The following CCDC88A variants were observed in gnomAD, a reference collection of about 807,000 sequenced individuals.
The protein encoded by CCDC88A is girdin.
CCDC88A carries 54 observed loss-of-function variants against 234.3 expected under a neutral mutation model. The ratio of observed to expected loss-of-function variants is 0.23; its 90% CI spans 0.19 to 0.29. The LOEUF (loss-of-function observed/expected upper bound fraction) is 0.29, where lower values mean the gene tolerates loss of function less well. Ranked by LOEUF, CCDC88A falls within the 10% of genes least tolerant of loss-of-function variation. The pLI, the probability that CCDC88A is intolerant of heterozygous loss-of-function variation, is 1.00. For missense variants in CCDC88A, 1,832 were observed against 2,123.4 expected, an observed-to-expected ratio of 0.86 and a Z score of 2.70; for synonymous variants, 753 against 737.8, an observed-to-expected ratio of 1.02 and a Z score of -0.33.
intron 18 of CCDC88A, chr2:55,320,786 G>A (rs1015793657): frequency 2.0e-5 from 3 of 152,118 alleles, no homozygotes; most frequent in African/African-American, 7.2e-5. Context: ...TGGAAAGATA[G>A]GTATACTCTC....
rs1274862659 is a variant in CCDC88A, at chr2:55,336,753, G to A, written c.1584C>T (p.Ser528=). 1.1e-5 allele frequency: 18 copies of A among 1,586,112 alleles called. No individual in the cohort carries two copies. The highest frequency in any genetic ancestry group is 1.5e-5 in the Non-Finnish European group (18 of 1,162,322). Residue 528 remains serine (S), a synonymous_variant, in exon 14 of 33, where the codon AGC becomes AGT. Coordinates refer to ENST00000436346, the MANE Select transcript of CCDC88A (RefSeq NM_001365480.1). ...KQSLQNCQNL[S]KDLMKEKAQL... Reference sequence around the variant, plus strand: ...GAGCTTTCTCCTTCATTAGATCCTTGCTTAAATTCTGACAATTCTGAAGAC... The same window carrying A: ...GAGCTTTCTCCTTCATTAGATCCTTACTTAAATTCTGACAATTCTGAAGAC...
chr2:55,406,448 G>C (rs1339973976), intron 2 of CCDC88A, among the ~76,000 whole-genome samples: 4 of 152,064 alleles, frequency 2.6e-5, no homozygotes, highest in African/African-American at 9.7e-5. Context: ...CTTTGTAATA[G>C]TTCAGGTCTT....
At chr2:55,384,020 A>G (rs1675048375) in intron 3 of CCDC88A, among the ~76,000 whole-genome samples, 2 of 152,244 alleles carry the variant, frequency 1.3e-5, no homozygotes, top group South Asian at 4.1e-4. Context: ...AGCATGGGCG[A>G]CAATACCAGA....
Position 55,388,846 on chromosome 2 carries a change from T to C in CCDC88A, c.205A>G (p.Asn69Asp), listed in dbSNP as rs769448604. ...LESQRVNKKVNNDASLRMHNL... is the reference protein window; with the variant it reads ...LESQRVNKKVDNDASLRMHNL... ...TGCATTCTAAGTGAGGCATCATTAT[T>C]GACTTTTTTATTTACTCTCTGACTC... The change falls in exon 3 of 33, where the codon AAT becomes GAT. Residue 69 changes from asparagine (N) to aspartate (D), a missense_variant. Coordinates refer to ENST00000436346, the MANE Select transcript of CCDC88A (RefSeq NM_001365480.1). The C allele has an allele frequency of 6.5e-7, 1 of 1,538,130 alleles. No homozygotes were observed. The highest frequency in any genetic ancestry group is 2.4e-5 in the East Asian group (1 of 42,350).
In CCDC88A at chr2:55,318,975, C is replaced by T. The variant is rs149298432; in HGVS notation, c.3192G>A (p.Ala1064=). Residue 1064 remains alanine (A), a synonymous_variant, in exon 19 of 33, where the codon GCG becomes GCA. Coordinates refer to ENST00000436346, the MANE Select transcript of CCDC88A (RefSeq NM_001365480.1). ...NNATLQAEKQ[A]LKTQLKQLET... Reference sequence around the variant, plus strand: ...CAAGTTGCTTCAGTTGAGTTTTCAACGCTTGCTTCTCTGCTTGCAGTGTAG... The same window carrying T: ...CAAGTTGCTTCAGTTGAGTTTTCAATGCTTGCTTCTCTGCTTGCAGTGTAG... 5.0e-5 allele frequency: 81 copies of T among 1,613,150 alleles called. No homozygotes were observed. The highest frequency in any genetic ancestry group is 6.7e-5 in the Admixed American group (4 of 60,006).
chr2:55,315,241 G>A (rs1682842224), intron 22 of CCDC88A: 1 of 152,220 alleles, frequency 6.6e-6, no homozygotes, highest in Non-Finnish European at 1.5e-5. Flanking sequence ...TTCTCCAGTA[G>A]AAAAGTTGCT....
At chr2:55,369,617 A>AT (rs1320175380) in intron 5 of CCDC88A, among the ~76,000 whole-genome samples, 1 of 151,846 alleles carries the variant, frequency 6.6e-6, no homozygotes, top group Non-Finnish European at 1.5e-5. Flanking sequence ...ATGCCCAGCT[A>AT]TTTTTTTGTA....
At chr2:55,294,549 C>T (rs904484433) in intron 31 of CCDC88A, 7 of 981,312 alleles carry the variant, frequency 7.1e-6, no homozygotes, top group African/African-American at 5.3e-5. Context: ...AAGAAAACAA[C>T]ATCTTTTTAC....
At chr2:55,308,581 T>C (rs1558641700) in intron 25 of CCDC88A, 4 of 451,494 alleles carry the variant, frequency 8.9e-6, no homozygotes, top group African/African-American at 2.0e-5. Flanking sequence ...TTTAACTTTC[T>C]TTCTGCAATA....
chr2:55,326,604 C>G (rs1362177813), intron 17 of CCDC88A, among the ~76,000 whole-genome samples: 1 of 152,108 alleles, frequency 6.6e-6, no homozygotes, highest in Admixed American at 6.5e-5. Context: ...ACTCTGTCAC[C>G]CAGACTGGAG....
intron 2 of CCDC88A, among the ~76,000 whole-genome samples, chr2:55,396,198 G>C (rs1242661818): frequency 6.6e-6 from 1 of 152,132 alleles, no homozygotes; most frequent in Non-Finnish European, 1.5e-5. Context: ...TCATTGTGGA[G>C]AAAAGTATAT....
chr2:55,368,613 TG>T (rs1672362972), intron 5 of CCDC88A, among the ~76,000 whole-genome samples: 1 of 152,000 alleles, frequency 6.6e-6, no homozygotes, highest in Non-Finnish European at 1.5e-5. Context: ...CATGACCCAC[TG>T]CACCCAGCCC....
In CCDC88A at chr2:55,407,771, G is replaced by A. The variant is rs960430590; in HGVS notation, c.164+11045C>T. 1.9e-4 allele frequency among the ~76,000 whole-genome samples: 25 copies of A among 130,580 alleles called. 1 individual carries two copies. The highest frequency in any genetic ancestry group is 7.5e-4 in the African/African-American group (25 of 33,304). 85.7% of individuals were successfully genotyped at this position (130,580 alleles called of 152,430 possible). A position where few individuals can be genotyped will look rare whatever the true frequency, so the allele number is the denominator to read the frequency against. ...CTTGCTCTGTCTTCCAGGCTGTAGT[G>A]CAGTGGCATGATCTCAGCTCACTGC... On this transcript the variant is annotated intron_variant, in intron 2 of 32. Coordinates refer to ENST00000436346, the MANE Select transcript of CCDC88A (RefSeq NM_001365480.1).
chr2:55,366,618 A>G (rs1411304949), intron 5 of CCDC88A, among the ~76,000 whole-genome samples: 1 of 151,948 alleles, frequency 6.6e-6, no homozygotes, highest in Non-Finnish European at 1.5e-5. Flanking sequence ...AAAAGCAAAA[A>G]AAGTGATTAG....
chr2:55,395,518 T>A (rs1677376405), intron 2 of CCDC88A, among the ~76,000 whole-genome samples: 1 of 152,236 alleles, frequency 6.6e-6, no homozygotes, highest in African/African-American at 2.4e-5. Flanking sequence ...AGGGACCATA[T>A]CTTCTTATTC....
At chr2:55,354,695 C>G (rs1670333020) in intron 8 of CCDC88A, among the ~76,000 whole-genome samples, 1 of 151,548 alleles carries the variant, frequency 6.6e-6, no homozygotes, top group Non-Finnish European at 1.5e-5. Context: ...TCCCGAGTAG[C>G]TGGGATTACA....
At chr2:55,390,125 G>GCTAATAAAAAC (rs1676407974) in intron 2 of CCDC88A, among the ~76,000 whole-genome samples, 1 of 148,144 alleles carries the variant, frequency 6.8e-6, no homozygotes, top group African/African-American at 2.5e-5. Flanking sequence ...CCCACTACAG[G>GCTAATAAAAAC]CTAACAAAAA....
chr2:55,332,945 C>T lies in CCDC88A; in HGVS notation c.2728-252G>A, dbSNP rs1574146862. ...TAGTAACTCTTTACTTGTGAATACA[C>T]ATTTAGGTTTGAAAACTGGGGAAAA... On this transcript the variant is annotated intron_variant, in intron 15 of 32. Coordinates refer to ENST00000436346, the MANE Select transcript of CCDC88A (RefSeq NM_001365480.1). This position sits in a 1 kb window ranked among gnomAD's most constrained non-coding sequence, Gnocchi z 4.5. Among the ~76,000 whole-genome samples the T allele has an allele frequency of 6.6e-6, 1 of 152,130 alleles. No individual in the cohort carries two copies. The highest frequency in any genetic ancestry group is 1.5e-5 in the Non-Finnish European group (1 of 68,004).
intron 31 of CCDC88A, chr2:55,295,046 T>A (rs1435482445): frequency 1.6e-6 from 2 of 1,256,544 alleles, no homozygotes; most frequent in South Asian, 2.8e-5. Context: ...ATCAATATAT[T>A]ATATTGTGCA....
Sources: allele counts gnomAD v4.1 joint callset (sites outside exome capture counted in the v4.1 genomes callset), GRCh38; gene constraint gnomAD v4.1.1; non-coding constraint Gnocchi (gnomAD v3.1); transcripts MANE v1.5; gene names NCBI Gene and HGNC (gene_info 2026-07-23, HGNC 2026-07-21).